The following ADGRG6 variants were observed in gnomAD, a reference collection of about 807,000 sequenced individuals.
ADGRG6 encodes the protein adhesion G protein-coupled receptor G6.
A neutral mutation model predicts 142.4 loss-of-function variants in ADGRG6; 84 were observed. The ratio of observed to expected loss-of-function variants is 0.59; its 90% confidence interval spans 0.49 to 0.71. The LOEUF is 0.71. Among genes scored for constraint, ADGRG6 ranks in the 30% least tolerant of loss-of-function variants. The pLI, the probability that ADGRG6 is intolerant of heterozygous loss-of-function variation, is 0.00. For synonymous variants in ADGRG6, 521 were observed against 520.5 expected, an observed-to-expected ratio of 1.00 and a Z score of -0.01; for missense variants, 1,367 against 1,466.6, an observed-to-expected ratio of 0.93 and a Z score of 1.11.
intron 9 of ADGRG6, among the ~76,000 whole-genome samples, chr6:142,396,234 G>T (rs1775188261): frequency 6.6e-6 from 1 of 152,124 alleles, no homozygotes; most frequent in Non-Finnish European, 1.5e-5. Flanking sequence ...TTAATCCAGG[G>T]ATACTTTTTC....
chr6:142,384,379 A>G (rs1350238351), intron 6 of ADGRG6, among the ~76,000 whole-genome samples: 1 of 152,146 alleles, frequency 6.6e-6, no homozygotes, highest in African/African-American at 2.4e-5. Context: ...TATATCAACT[A>G]AAACAAATCA....
At chr6:142,328,369 A>G (rs1778882081) in intron 2 of ADGRG6, among the ~76,000 whole-genome samples, 2 of 152,156 alleles carry the variant, frequency 1.3e-5, no homozygotes, top group South Asian at 4.1e-4. Flanking sequence ...TGCCTGGCTA[A>G]TTTTTGTGTA....
rs1386833129 is a variant in ADGRG6, at chr6:142,443,508, A to G, written c.3746A>G (p.Lys1249Arg). 2 of 1,604,834 alleles carry G rather than the reference A, an allele frequency of 1.2e-6. No individual in the cohort carries two copies. Among genetic ancestry groups the G allele is most frequent in the Admixed American group, 3.4e-5 (2 of 58,880 alleles). Residue 1249 changes from lysine (K) to arginine (R), a missense_variant, in exon 25 of 25, where the codon AAG becomes AGG. By Grantham distance (26) the Lys-to-Arg change is conservative. Transcript: ENST00000367609. Reference sequence around the variant, plus strand: ...TCAGACACCTTCAGCCACAGCACAAAGTTTTAATGTCTTTAAGAAAAAGAA... The same window carrying G: ...TCAGACACCTTCAGCCACAGCACAAGGTTTTAATGTCTTTAAGAAAAAGAA... The part of the protein sequence containing the change: ...IMSDTFSHST[K>R]F
intron 2 of ADGRG6, among the ~76,000 whole-genome samples, chr6:142,335,648 G>A (rs144606728): frequency 2.0e-5 from 3 of 152,110 alleles, no homozygotes; most frequent in African/African-American, 7.2e-5. Context: ...TTTACACAGA[G>A]GATGAATCTG....
intron 15 of ADGRG6, among the ~76,000 whole-genome samples, chr6:142,406,299 A>C (rs1315008884): frequency 6.6e-6 from 1 of 151,944 alleles, no homozygotes; most frequent in Non-Finnish European, 1.5e-5. Flanking sequence ...TGGTCTTTAC[A>C]CATCCGCAGA....
intron 22 of ADGRG6, among the ~76,000 whole-genome samples, chr6:142,435,818 T>G (rs968193834): frequency 6.6e-6 from 1 of 152,110 alleles, no homozygotes; most frequent in Non-Finnish European, 1.5e-5. Flanking sequence ...GACTAAAGGT[T>G]AAAATTAAAA....
chr6:142,417,036 C>G, intron 20 of ADGRG6: 1 of 522,496 alleles, frequency 1.9e-6, no homozygotes, highest in Middle Eastern at 5.3e-4. Context: ...ATTTAAATAT[C>G]TGTCATTTAA....
At chr6:142,418,401 C>G (rs1001728955) in intron 21 of ADGRG6, among the ~76,000 whole-genome samples, 1 of 151,284 alleles carries the variant, frequency 6.6e-6, no homozygotes, top group African/African-American at 2.4e-5. Flanking sequence ...AAGTGGCACT[C>G]AAAAGACCCC....
At chr6:142,393,565 T>C (rs1775018426) in intron 8 of ADGRG6, among the ~76,000 whole-genome samples, 1 of 152,314 alleles carries the variant, frequency 6.6e-6, no homozygotes, top group Non-Finnish European at 1.5e-5. Flanking sequence ...CCTAAACATA[T>C]ATTCTGTGAA....
intron 22 of ADGRG6, among the ~76,000 whole-genome samples, chr6:142,435,844 G>C (rs940317636): frequency 6.6e-6 from 1 of 152,144 alleles, no homozygotes; most frequent in Admixed American, 6.5e-5. Flanking sequence ...ATAAAATAAC[G>C]GTTGCTGAGG....
At chr6:142,370,870 A>T in intron 4 of ADGRG6, 77 bp downstream of exon 4, 4 of 1,374,426 alleles carry the variant, frequency 2.9e-6, no homozygotes, top group Non-Finnish European at 2.0e-6. Flanking sequence ...AAAGAATTAT[A>T]CATACACACA....
At position 142,331,502 on chromosome 6, in the gene ADGRG6, G is replaced by A. The variant is rs1779062627; in HGVS notation, c.103+21858G>A. On this transcript the variant is annotated intron_variant, in intron 2 of 24. Coordinates refer to ENST00000367609, the MANE Select transcript of ADGRG6 (RefSeq NM_198569.3). ...ATGACGAAAATGCAGTGGGAACCCA[G>A]CAATGACATGACCCTCTGAAAAGGG... Among the ~76,000 whole-genome samples the A allele has an allele frequency of 2.6e-5, 4 of 152,092 alleles. No homozygotes were observed. The South Asian group carries it at 8.3e-4, about 32-fold the overall frequency.
At chr6:142,380,583 C>T (rs771618028) in intron 4 of ADGRG6, among the ~76,000 whole-genome samples, 1 of 152,144 alleles carries the variant, frequency 6.6e-6, no homozygotes, top group Admixed American at 6.5e-5. Flanking sequence ...GTGCACAGAC[C>T]GTCTCAGTGC....
chr6:142,362,397 G>A (rs1443699596), intron 2 of ADGRG6, among the ~76,000 whole-genome samples: 1 of 152,190 alleles, frequency 6.6e-6, no homozygotes, highest in Non-Finnish European at 1.5e-5. Context: ...TTTAGGAGGA[G>A]TGTGTGAATG....
intron 9 of ADGRG6, among the ~76,000 whole-genome samples, chr6:142,394,978 T>C (rs1380168856): frequency 6.6e-6 from 1 of 152,178 alleles, no homozygotes; most frequent in African/African-American, 2.4e-5. Flanking sequence ...TTAAATCTTA[T>C]GGATATACAG....
intron 2 of ADGRG6, among the ~76,000 whole-genome samples, chr6:142,320,870 A>G (rs1778481870): frequency 1.3e-5 from 2 of 152,070 alleles, no homozygotes; most frequent in Admixed American, 1.3e-4. Context: ...TTCTGTAAAT[A>G]TATATTAGAG....
chr6:142,332,459 T>C (rs190411390), intron 2 of ADGRG6, among the ~76,000 whole-genome samples: 1 of 151,904 alleles, frequency 6.6e-6, no homozygotes, highest in Admixed American at 6.6e-5. Flanking sequence ...TGTTCTCCAC[T>C]AAATTCGAAT....
intron 10 of ADGRG6, among the ~76,000 whole-genome samples, chr6:142,399,374 C>G (rs1775381537): frequency 1.3e-5 from 2 of 152,226 alleles, no homozygotes; most frequent in South Asian, 4.1e-4. Flanking sequence ...GGTAATAAAC[C>G]ATTTCTGAGT....
At chr6:142,399,274 T>C (rs2048243566) in intron 10 of ADGRG6, among the ~76,000 whole-genome samples, 1 of 152,186 alleles carries the variant, frequency 6.6e-6, no homozygotes, top group African/African-American at 2.4e-5. Flanking sequence ...TCTCCACTTC[T>C]GTGAGGAGCC....
Sources: gnomAD v4.1 joint callset for allele counts (sites outside exome capture counted in the v4.1 genomes callset) on GRCh38, gnomAD v4.1.1 for gene constraint, MANE v1.5 for transcripts, NCBI Gene and HGNC (gene_info 2026-07-23, HGNC 2026-07-21) for gene names.